CDC42BPA: variants seen among roughly 807,000 people sequenced by gnomAD.
CDC42BPA encodes the protein CDC42 binding protein kinase alpha, also known as serine/threonine-protein kinase MRCK alpha.
CDC42BPA carries 80 observed loss-of-function variants against 223.5 expected under a neutral mutation model. The observed-to-expected ratio is 0.36, with a 90% CI of 0.30 to 0.43. The LOEUF (loss-of-function observed/expected upper bound fraction) is 0.43, where lower values mean the gene tolerates loss of function less well. CDC42BPA is among the 20% of genes least tolerant of loss of function. The pLI, the probability that CDC42BPA is intolerant of heterozygous loss-of-function variation, is 1.00. For synonymous variants in CDC42BPA, 694 were observed against 718.6 expected (o/e 0.97, Z 0.55); for missense variants, 1,743 against 2,099.9 (o/e 0.83, Z 3.32).
chr1:227,120,474 C>G (rs968606063), intron 11 of CDC42BPA, among the ~76,000 whole-genome samples: 2 of 152,188 alleles, frequency 1.3e-5, no homozygotes, highest in African/African-American at 4.8e-5. Context: ...GATGAAGAAA[C>G]TCAGGGAGTT....
chr1:227,017,043 G>T lies in CDC42BPA; in HGVS notation c.4623C>A (p.Asp1541Glu), dbSNP rs555844878. The T allele has an allele frequency of 1.2e-6, 2 of 1,606,344 alleles. No homozygotes were observed. The highest frequency in any genetic ancestry group is 1.7e-6 in the Non-Finnish European group (2 of 1,177,176). Residue 1541 changes from aspartate (D) to glutamate (E), a missense_variant, in exon 33 of 37, where the codon GAC becomes GAA. Around this residue, in one of 6 missense-constraint regions of CDC42BPA, gnomAD observed 678 missense variants for 777.5 expected, o/e 0.87. Coordinates refer to ENST00000366766, the MANE Select transcript of CDC42BPA (RefSeq NM_001394014.1). ...IYFKNKMAEG[D>E]ELVVPETSDN... ...CTGATGTTTCAGGTACTACCAGTTC[G>T]TCCCCTTCTGTTAAAATAAAAATAC...
chr1:227,159,104 G>A (rs1276720331), intron 6 of CDC42BPA, among the ~76,000 whole-genome samples: 1 of 152,128 alleles, frequency 6.6e-6, no homozygotes, highest in Non-Finnish European at 1.5e-5. Flanking sequence ...CAGTGGGAGT[G>A]CTAATTTGGT....
chr1:227,044,195 G>C (rs1195233242), intron 23 of CDC42BPA, among the ~76,000 whole-genome samples: 1 of 152,128 alleles, frequency 6.6e-6, no homozygotes, highest in Non-Finnish European at 1.5e-5. Flanking sequence ...GGGATTTCTA[G>C]TCTTTTTCAT....
At chr1:227,161,612 G>C (rs910727640) in intron 5 of CDC42BPA, among the ~76,000 whole-genome samples, 2 of 152,152 alleles carry the variant, frequency 1.3e-5, no homozygotes, top group African/African-American at 4.8e-5. Context: ...TGAGTGTGTT[G>C]TATATCACGA....
chr1:227,115,159 G>C (rs979994043), intron 12 of CDC42BPA, among the ~76,000 whole-genome samples: 1 of 151,952 alleles, frequency 6.6e-6, no homozygotes, highest in Non-Finnish European at 1.5e-5. Context: ...AAAAACTTTT[G>C]AGAAGGGAAG....
chr1:227,031,239 G>C (rs930714895), intron 28 of CDC42BPA, 59 bp downstream of exon 28: 10 of 1,354,550 alleles, frequency 7.4e-6, no homozygotes, highest in African/African-American at 4.3e-5. Context: ...GCCAATCCCT[G>C]TTCTCAAGGT....
At chr1:227,202,893 G>A (rs1201812512) in intron 3 of CDC42BPA, among the ~76,000 whole-genome samples, 2 of 151,962 alleles carry the variant, frequency 1.3e-5, no homozygotes, top group Non-Finnish European at 2.9e-5. Flanking sequence ...TCACACCATC[G>A]CACTCTAACC....
intron 2 of CDC42BPA, among the ~76,000 whole-genome samples, chr1:227,236,163 T>C (rs1678979723): frequency 6.6e-6 from 1 of 152,208 alleles, no homozygotes. Flanking sequence ...GCAGACTATA[T>C]ATCCCAACAG....
chr1:227,003,046 C>T (rs1390217509), intron 35 of CDC42BPA, among the ~76,000 whole-genome samples: 1 of 152,162 alleles, frequency 6.6e-6, no homozygotes. Context: ...ACTAATACAG[C>T]ATCATTCATC....
At chr1:227,035,701 G>T in intron 24 of CDC42BPA, 94 bp from the exon 25 acceptor site, 1 of 792,204 alleles carries the variant, frequency 1.3e-6, no homozygotes, top group Non-Finnish European at 1.9e-6. Context: ...TATGTTAGAT[G>T]AATGCTTATC....
intron 1 of CDC42BPA, among the ~76,000 whole-genome samples, chr1:227,300,561 G>A (rs781636802): frequency 6.6e-6 from 1 of 152,110 alleles, no homozygotes; most frequent in African/African-American, 2.4e-5. Context: ...TCTAAGTGAA[G>A]TAACTCAGGA....
At chr1:227,071,613 A>T (rs1320567440) in intron 20 of CDC42BPA, among the ~76,000 whole-genome samples, 1 of 151,720 alleles carries the variant, frequency 6.6e-6, no homozygotes, top group Non-Finnish European at 1.5e-5. Flanking sequence ...AGACATTAAA[A>T]TGCCCCCCAA....
At chr1:227,120,121 T>C (rs1688399265) in intron 11 of CDC42BPA, among the ~76,000 whole-genome samples, 184 bp from the exon 12 acceptor site, 3 of 151,404 alleles carry the variant, frequency 2.0e-5, no homozygotes. Context: ...AGACGGTGAA[T>C]GGTGTATGCC....
In CDC42BPA at chr1:227,145,457, G is replaced by A. The variant is rs779835926; in HGVS notation, c.1143+32C>T. The A allele has an allele frequency of 4.4e-6, 7 of 1,583,714 alleles. No homozygotes were observed. In the Admixed American group the frequency reaches 1.2e-4, roughly 28 times the overall value. On this transcript the variant is annotated intron_variant, in intron 8 of 36. Transcript: ENST00000366766. ...TATAACCATAGTAGAAAGAAACAGA[G>A]GGACAGAACTTCTTCACAGTGTCAT...
At chr1:227,060,244 G>A (rs2148948853) in intron 21 of CDC42BPA, among the ~76,000 whole-genome samples, 1 of 152,054 alleles carries the variant, frequency 6.6e-6, no homozygotes, top group Admixed American at 6.5e-5. Flanking sequence ...TGTTAGCCAG[G>A]ATGGTCTCGA....
chr1:227,006,242 T>G (rs1381032479), intron 34 of CDC42BPA, among the ~76,000 whole-genome samples: 3 of 152,218 alleles, frequency 2.0e-5, no homozygotes, highest in African/African-American at 7.2e-5. Context: ...TACTCCTTAT[T>G]GATTTTTCTT....
chr1:227,078,483 T>C (rs1010063478), intron 17 of CDC42BPA, among the ~76,000 whole-genome samples: 9 of 152,184 alleles, frequency 5.9e-5, no homozygotes, highest in African/African-American at 2.2e-4. Context: ...ATAAATCTTA[T>C]GGACTAGCCT....
chr1:227,182,156 G>A (rs1047811337), intron 5 of CDC42BPA, among the ~76,000 whole-genome samples: 8 of 152,050 alleles, frequency 5.3e-5, no homozygotes, highest in African/African-American at 1.9e-4. Flanking sequence ...CTAACACCTG[G>A]AGTCCTCATG....
Position 227,139,587 on chromosome 1 carries a change from C to T in CDC42BPA, c.1379G>A (p.Arg460Lys). ...TAAAATATATTTACCTTGAAGTTTT[C>T]TACTGAGTTCAAGTTTTTCTTGCTC... ...RLEQEKLELS[R>K]KLQESTQTVQ... The change falls in exon 10 of 37, where the codon AGA becomes AAA. Residue 460 changes from arginine (R) to lysine (K), a missense_variant. Coordinates refer to ENST00000366766, the MANE Select transcript of CDC42BPA (RefSeq NM_001394014.1). 6.3e-7 allele frequency: 1 copy of T among 1,582,874 alleles called. No individual in the cohort carries two copies. The highest frequency in any genetic ancestry group is 1.4e-5 in the African/African-American group (1 of 73,026).
Sources: gnomAD v4.1 joint callset for allele counts (sites outside exome capture counted in the v4.1 genomes callset) on GRCh38, gnomAD v4.1.1 for gene constraint, gnomAD v4.1.1 regional missense constraint, MANE v1.5 for transcripts, NCBI Gene and HGNC (gene_info 2026-07-23, HGNC 2026-07-21) for gene names.